The following ANK1 variants were observed in gnomAD, a reference collection of about 807,000 sequenced individuals.
ANK1 encodes the protein ankyrin-1.
A neutral mutation model predicts 210.4 loss-of-function variants in ANK1; 51 were observed. That is an observed-to-expected ratio of 0.24 (90% confidence interval 0.19 to 0.31). The LOEUF is 0.31. Ranked by LOEUF, ANK1 falls within the 10% of genes least tolerant of loss-of-function variation. The probability of loss-of-function intolerance (pLI) is 1.00; values close to 1 mark genes in which losing one functional copy is unlikely to be tolerated. For missense variants in ANK1, 2,051 were observed against 2,504.4 expected (o/e 0.82, Z 3.86); for synonymous variants, 967 against 1,025.9 (o/e 0.94, Z 1.10).
At chr8:41,839,835 A>G (rs1255244217) in intron 1 of ANK1, among the ~76,000 whole-genome samples, 1 of 152,198 alleles carries the variant, frequency 6.6e-6, no homozygotes, top group Non-Finnish European at 1.5e-5. Flanking sequence ...GCAAAAGGAC[A>G]TGAGGAAAAA....
Position 41,663,956 on chromosome 8 carries a change from G to A in ANK1, c.5395-214C>T, listed in dbSNP as rs149029963. ...GGGTCTGGGAGGCCTGAAGACGAAC[G>A]GTCGAGCTCACAATTGTGCACTTGG... On this transcript the variant is annotated intron_variant, in intron 39 of 42. Transcript: ENST00000289734. The A allele has an allele frequency of 1.4e-3, 929 of 646,150 alleles. 4 individuals are homozygous for A. The African/African-American group carries it at 0.015, about 10-fold the overall frequency. 40.0% of individuals were successfully genotyped at this position (646,150 alleles called of 1,614,324 possible).
chr8:41,693,593 A>G (rs1005610868), intron 29 of ANK1, among the ~76,000 whole-genome samples: 1 of 151,932 alleles, frequency 6.6e-6, no homozygotes, highest in African/African-American at 2.4e-5. Flanking sequence ...GCATGCCACC[A>G]TGCCTGGCTA....
At chr8:41,862,796 G>A (rs1813547303) in intron 1 of ANK1, among the ~76,000 whole-genome samples, 1 of 150,800 alleles carries the variant, frequency 6.6e-6, no homozygotes, top group African/African-American at 2.4e-5. Context: ...GATCACTTGA[G>A]GCCAGGAGTT....
At chr8:41,835,130 A>G (rs926617342) in intron 1 of ANK1, among the ~76,000 whole-genome samples, 3 of 152,244 alleles carry the variant, frequency 2.0e-5, no homozygotes, top group East Asian at 1.9e-4. Flanking sequence ...TGTTCTGGCC[A>G]TTGGAGGGCC....
chr8:41,829,935 C>CAAAAAAAAAAAAAAAAAAA, intron 1 of ANK1: 1 of 71,604 alleles, frequency 1.4e-5, no homozygotes, highest in Non-Finnish European at 2.8e-5. Context: ...GACTCTGTCT[C>CAAAAAAAAAAAAAAAAAAA]AAAAAAAAAA....
At chr8:41,741,725 G>C (rs1248956251) in intron 2 of ANK1, among the ~76,000 whole-genome samples, 4 of 152,272 alleles carry the variant, frequency 2.6e-5, no homozygotes, top group Admixed American at 6.5e-5. Flanking sequence ...TACTACCTCA[G>C]GCAGGCATGA....
intron 3 of ANK1, among the ~76,000 whole-genome samples, chr8:41,729,681 T>C (rs1831615068): frequency 6.6e-6 from 1 of 152,230 alleles, no homozygotes; most frequent in Admixed American, 6.5e-5. Context: ...CATTCTCCGG[T>C]TTTCTTGTCT....
intron 1 of ANK1, among the ~76,000 whole-genome samples, chr8:41,856,723 C>T (rs1225171254): frequency 6.6e-6 from 1 of 151,730 alleles, no homozygotes; most frequent in African/African-American, 2.4e-5. Flanking sequence ...TTGGGGTTAG[C>T]GATGTTCAGT....
intron 1 of ANK1, among the ~76,000 whole-genome samples, chr8:41,893,565 G>T (rs1230851605): frequency 6.6e-6 from 1 of 152,186 alleles, no homozygotes; most frequent in East Asian, 1.9e-4. Context: ...CATCGCCAAA[G>T]TTACAACCAT....
intron 3 of ANK1, among the ~76,000 whole-genome samples, chr8:41,732,026 C>T (rs1832308461): frequency 6.6e-6 from 1 of 152,208 alleles, no homozygotes; most frequent in Non-Finnish European, 1.5e-5. Context: ...TCAGAAAGAG[C>T]AACTCAGTTT....
intron 36 of ANK1, 97 bp from the exon 37 acceptor site, chr8:41,684,787 GAT>G: frequency 1.3e-6 from 2 of 1,496,862 alleles, no homozygotes; most frequent in South Asian, 2.3e-5. Context: ...GGAGAAAGGA[GAT>G]AATTTTTTTC....
intron 1 of ANK1, among the ~76,000 whole-genome samples, chr8:41,814,676 A>C (rs375029123): frequency 7.2e-5 from 11 of 151,922 alleles, no homozygotes; most frequent in African/African-American, 2.4e-4. Context: ...GATGCACCTG[A>C]CAAGCTATTT....
rs77131800 is a variant in ANK1 at position 41,746,802 on chromosome 8, T to C, written c.129+11234A>G. Among the ~76,000 whole-genome samples the C allele has an allele frequency of 6.3e-3, 958 of 151,722 alleles. 15 individuals are homozygous for C. The highest frequency in any genetic ancestry group is 0.022 in the African/African-American group (895 of 41,342). On this transcript the variant is annotated intron_variant, in intron 2 of 42. Transcript: ENST00000289734. Reference sequence around the variant, plus strand: ...GAGAGAATGGGACTCTGAAATGCAGTTCAGCATCTAAGAATATCTCCTATG... The same window carrying C: ...GAGAGAATGGGACTCTGAAATGCAGCTCAGCATCTAAGAATATCTCCTATG...
Position 41,664,658 on chromosome 8 carries a change from G to T in ANK1, c.5395-916C>A. 3 of 779,184 alleles carry T rather than the reference G, an allele frequency of 3.9e-6. No homozygotes were observed. In the South Asian group the frequency reaches 4.9e-5, roughly 13 times the overall value. The allele number at this position is 779,184 out of a possible 1,614,324, so 48.3% of individuals were successfully genotyped here. ...GCGCACACACACTCTGGCTCCCAGG[G>T]TGGAACATGATCCCTGGGGGCCTCC... On this transcript the variant is annotated intron_variant, in intron 39 of 42. Transcript: ENST00000289734.
chr8:41,849,241 C>G (rs1337103957), intron 1 of ANK1, among the ~76,000 whole-genome samples: 2 of 152,256 alleles, frequency 1.3e-5, no homozygotes, highest in Non-Finnish European at 2.9e-5. Context: ...GACCTGTGCT[C>G]TTCTGAACTC....
At chr8:41,832,959 C>A (rs1438850580) in intron 1 of ANK1, among the ~76,000 whole-genome samples, 2 of 152,196 alleles carry the variant, frequency 1.3e-5, no homozygotes, top group Non-Finnish European at 2.9e-5. Context: ...AGAACTGGGT[C>A]TGTTAGCCAA....
chr8:41,663,110 C>CTGTGTG (rs1443923513), intron 40 of ANK1, among the ~76,000 whole-genome samples: 2 of 124,830 alleles, frequency 1.6e-5, no homozygotes, highest in Admixed American at 8.3e-5. Context: ...CTCTCTCTCT[C>CTGTGTG]TCTCTGTGTG....
intron 2 of ANK1, among the ~76,000 whole-genome samples, chr8:41,755,551 G>A (rs13270595): frequency 0.1 from 15,281 of 152,232 alleles, 909 homozygotes; most frequent in South Asian, 0.15. Flanking sequence ...GTGCATCTCT[G>A]CAAGCCCAAG....
At chr8:41,819,841 G>A (rs1162467001) in intron 1 of ANK1, among the ~76,000 whole-genome samples, 1 of 152,202 alleles carries the variant, frequency 6.6e-6, no homozygotes, top group Non-Finnish European at 1.5e-5. Flanking sequence ...AAAACAAGCT[G>A]GAAGGAGAAT....
Sources: allele counts gnomAD v4.1 joint callset (sites outside exome capture counted in the v4.1 genomes callset), GRCh38; gene constraint gnomAD v4.1.1; transcripts MANE v1.5; gene names NCBI Gene and HGNC (gene_info 2026-07-23, HGNC 2026-07-21).